AMD1: variants seen among roughly 807,000 people sequenced by gnomAD.
AMD1 encodes S-adenosylmethionine decarboxylase proenzyme.
Under a neutral mutation model 40.2 loss-of-function variants are expected in AMD1, and 11 were observed. The observed-to-expected ratio is 0.27, with a 90% CI of 0.17 to 0.45. The LOEUF is 0.45. Among genes scored for constraint, AMD1 ranks in the 20% least tolerant of loss-of-function variants. The probability of loss-of-function intolerance (pLI) is 1.00; values close to 1 mark genes in which losing one functional copy is unlikely to be tolerated. For missense variants in AMD1, 257 were observed against 410.2 expected (o/e 0.63, Z 3.23); for synonymous variants, 121 against 130.8 (o/e 0.93, Z 0.51).
intron 1 of AMD1, 21 bp downstream of exon 1, chr6:110,875,236 C>T: frequency 6.4e-7 from 1 of 1,572,452 alleles, no homozygotes; most frequent in East Asian, 2.3e-5. Context: ...GGGGCGCTCG[C>T]TGACATCCGG....
the AMD1 span, among the ~76,000 whole-genome samples, chr6:110,833,006 A>G: frequency 1.3e-5 from 2 of 152,138 alleles, no homozygotes; most frequent in East Asian, 1.9e-4. Flanking sequence ...TTTTCAGTAG[A>G]GATGGGGTTT....
chr6:110,820,852 G>GAGATCGTGCCACAGCA, the AMD1 span, among the ~76,000 whole-genome samples: 1 of 152,072 alleles, frequency 6.6e-6, no homozygotes. Context: ...ACAGTTAGCT[G>GAGATCGTGCCACAGCA]AGATCGTGCC....
chr6:110,885,983 G>T (rs117507130), intron 1 of AMD1, among the ~76,000 whole-genome samples: 2 of 152,188 alleles, frequency 1.3e-5, no homozygotes, highest in Admixed American at 6.5e-5. Flanking sequence ...GGCTGGGCAC[G>T]GTGGCTCATG....
At chr6:110,857,590 G>GATAGTATATATATATAAT in the AMD1 span, among the ~76,000 whole-genome samples, 1 of 136,582 alleles carries the variant, frequency 7.3e-6, no homozygotes, top group Admixed American at 7.2e-5. Context: ...TATATATATA[G>GATAGTATATATATATAAT]ATGGTATATA....
the AMD1 span, among the ~76,000 whole-genome samples, chr6:110,842,000 AC>A: frequency 1.3e-5 from 2 of 152,084 alleles, no homozygotes; most frequent in African/African-American, 2.4e-5. Context: ...ATGGGTTTTC[AC>A]CATGTTGGCC....
the AMD1 span, among the ~76,000 whole-genome samples, chr6:110,860,829 CCACCCA>C: frequency 4.3e-5 from 5 of 116,420 alleles, no homozygotes; most frequent in Admixed American, 2.5e-4. Flanking sequence ...AACAAAACAC[CCACCCA>C]CACACACACA....
chr6:110,824,447 A>G, the AMD1 span, among the ~76,000 whole-genome samples: 2 of 152,320 alleles, frequency 1.3e-5, no homozygotes, highest in East Asian at 3.9e-4. Context: ...GGATTAAGAG[A>G]TAAAAAATGA....
intron 1 of AMD1, among the ~76,000 whole-genome samples, chr6:110,876,540 C>T (rs1176368600): frequency 2.6e-5 from 4 of 152,090 alleles, no homozygotes; most frequent in Non-Finnish European, 4.4e-5. Flanking sequence ...ACGGGAAACC[C>T]GGTTTCTAGC....
intron 1 of AMD1, among the ~76,000 whole-genome samples, chr6:110,877,894 G>T (rs779659629): frequency 7.9e-5 from 12 of 151,982 alleles, no homozygotes; most frequent in East Asian, 1.9e-4. Context: ...ATAAACATAG[G>T]GACATAAAAA....
chr6:110,858,591 C>A, the AMD1 span: 9 of 1,587,240 alleles, frequency 5.7e-6, no homozygotes, highest in Admixed American at 3.4e-5. Flanking sequence ...GGGAACATGA[C>A]GCAGCTGCAG....
Position 110,888,891 on chromosome 6 carries a change from A to C in AMD1, c.232A>C (p.Ile78Leu). The change falls in exon 3 of 9, where the codon ATT becomes CTT. Residue 78 changes from isoleucine (I) to leucine (L), a missense_variant. Physicochemically the swap from Ile to Leu is conservative, Grantham distance 5. This residue lies in a region of AMD1 where 8 missense variants were observed against 36.9 expected (regional missense o/e 0.22). Transcript: ENST00000368885. ...SSMFVSKRRF[I>L]LKTCGTTLLL... is the part of the protein sequence containing the mutation. ...CATGTTTGTCTCCAAGAGACGTTTC[A>C]TTTTGAAGACATGTGGTACCACCCT... The C allele has an allele frequency of 6.2e-7, 1 of 1,613,088 alleles. No individual in the cohort carries two copies. The highest frequency in any genetic ancestry group is 2.2e-5 in the East Asian group (1 of 44,860).
the AMD1 span, among the ~76,000 whole-genome samples, chr6:110,819,186 C>T: frequency 3.3e-5 from 5 of 152,170 alleles, no homozygotes; most frequent in South Asian, 2.1e-4. Context: ...GGAGAAACCC[C>T]GTCTCTACTA....
chr6:110,838,846 A>G, the AMD1 span, among the ~76,000 whole-genome samples: 1 of 152,072 alleles, frequency 6.6e-6, no homozygotes, highest in Non-Finnish European at 1.5e-5. Context: ...GTGAAACAGC[A>G]AAACCTCCGT....
chr6:110,829,566 G>C, the AMD1 span, among the ~76,000 whole-genome samples: 1 of 152,016 alleles, frequency 6.6e-6, no homozygotes, highest in African/African-American at 2.4e-5. Context: ...CTACTCGGGA[G>C]GCTGAGGCAG....
At chr6:110,858,745 G>C in the AMD1 span, 1 of 767,976 alleles carries the variant, frequency 1.3e-6, no homozygotes, top group Middle Eastern at 3.0e-4. Flanking sequence ...TCGGGCTGCA[G>C]ATGGGCACCA....
chr6:110,833,073 G>T, the AMD1 span, among the ~76,000 whole-genome samples: 1 of 151,970 alleles, frequency 6.6e-6, no homozygotes, highest in Non-Finnish European at 1.5e-5. Context: ...CACCTGCCTC[G>T]TCCTCCCAAA....
chr6:110,875,888 G>A (rs558713238), intron 1 of AMD1, among the ~76,000 whole-genome samples: 37 of 152,186 alleles, frequency 2.4e-4, no homozygotes, highest in Middle Eastern at 3.4e-3. Context: ...GAGCCTTTTC[G>A]GGGCGGCTGG....
chr6:110,868,295 T>C, the AMD1 span, among the ~76,000 whole-genome samples: 346 of 151,902 alleles, frequency 2.3e-3, no homozygotes, highest in Non-Finnish European at 3.5e-3. Context: ...CTACAGGCGC[T>C]CACCACCACA....
chr6:110,856,838 T>C, the AMD1 span, among the ~76,000 whole-genome samples: 1 of 152,168 alleles, frequency 6.6e-6, no homozygotes, highest in Non-Finnish European at 1.5e-5. Flanking sequence ...GCAGGATTTG[T>C]GTGTGGCACA....
Sources: gnomAD v4.1 joint callset for allele counts (sites outside exome capture counted in the v4.1 genomes callset) on GRCh38, gnomAD v4.1.1 for gene constraint, gnomAD v4.1.1 regional missense constraint, MANE v1.5 for transcripts, NCBI Gene and HGNC (gene_info 2026-07-23, HGNC 2026-07-21) for gene names.